LDB2: variants seen among roughly 807,000 people sequenced by gnomAD.
The protein encoded by LDB2 is LIM domain binding 2, also known as LIM domain-binding protein 2.
In LDB2, 12 loss-of-function variants were observed where a neutral mutation model predicts 44.3. That is an observed-to-expected ratio of 0.27 (90% CI 0.17 to 0.44). The LOEUF is 0.44. LDB2 is among the 20% of genes least tolerant of loss of function. The pLI is 1.00. For synonymous variants in LDB2, 164 were observed against 174.8 expected (o/e 0.94, Z 0.49); for missense variants, 344 against 473.5 (o/e 0.73, Z 2.54).
rs111399522 is a variant in LDB2, at chr4:16,882,572, A to G, written c.132+15782T>C. ...CTCCAGAGACCAGGTAATATTATAT[A>G]GGGTTAAGCTCCTTGGAAATACAAT... On this transcript the variant is annotated intron_variant, in intron 1 of 7. Coordinates refer to ENST00000304523, the MANE Select transcript of LDB2 (RefSeq NM_001290.5). 1.8e-4 allele frequency among the ~76,000 whole-genome samples: 28 copies of G among 152,292 alleles called. 3 individuals carry two copies. The highest frequency in any genetic ancestry group is 6.5e-4 in the African/African-American group (27 of 41,568).
intron 1 of LDB2, among the ~76,000 whole-genome samples, chr4:16,891,559 C>T (rs1310242832): frequency 6.6e-6 from 1 of 152,064 alleles, no homozygotes; most frequent in Non-Finnish European, 1.5e-5. Flanking sequence ...GATCTGCCCA[C>T]CCCAGCTTCC....
At chr4:16,665,107 A>G (rs991624684) in intron 2 of LDB2, among the ~76,000 whole-genome samples, 3 of 152,290 alleles carry the variant, frequency 2.0e-5, no homozygotes, top group Admixed American at 2.0e-4. Context: ...GAGAGGGGGA[A>G]AAGAAGGTGA....
At chr4:16,696,186 C>G (rs918559023) in intron 2 of LDB2, among the ~76,000 whole-genome samples, 3 of 152,094 alleles carry the variant, frequency 2.0e-5, no homozygotes, top group Non-Finnish European at 4.4e-5. Context: ...GAATGTAAAG[C>G]AATTTTCACA....
chr4:16,634,634 T>C (rs574993120), intron 2 of LDB2, among the ~76,000 whole-genome samples: 1 of 152,178 alleles, frequency 6.6e-6, no homozygotes, highest in African/African-American at 2.4e-5. Context: ...CATTAAAAAG[T>C]CAGGTAACAA....
chr4:16,843,663 C>G (rs1216574072), intron 1 of LDB2, among the ~76,000 whole-genome samples: 1 of 152,016 alleles, frequency 6.6e-6, no homozygotes, highest in Non-Finnish European at 1.5e-5. Context: ...GCTCTGTTCC[C>G]CAGGCTGGGG....
At position 16,880,466 on chromosome 4, in the gene LDB2, T is replaced by G. The variant is rs1378280041; in HGVS notation, c.132+17888A>C. On this transcript the variant is annotated intron_variant, in intron 1 of 7. Coordinates refer to ENST00000304523, the MANE Select transcript of LDB2 (RefSeq NM_001290.5). ...CTCAGAAGGAGCACGTTTTTCTAGTTTGCATAGACATGTCCCATAGCCTTC... is the reference window on the plus strand; with the variant it reads ...CTCAGAAGGAGCACGTTTTTCTAGTGTGCATAGACATGTCCCATAGCCTTC... Among the ~76,000 whole-genome samples the G allele has an allele frequency of 2.8e-4, 43 of 152,174 alleles. 2 individuals are homozygous for G. Among genetic ancestry groups the G allele is most frequent in the Non-Finnish European group, 2.9e-5 (2 of 68,042 alleles).
chr4:16,563,649 C>T (rs566883611), intron 5 of LDB2, among the ~76,000 whole-genome samples: 124 of 150,014 alleles, frequency 8.3e-4, no homozygotes, highest in African/African-American at 2.8e-3. Flanking sequence ...TAGTAGAGAC[C>T]GGGTTTCACC....
chr4:16,584,813 G>A (rs1716156548), intron 5 of LDB2, among the ~76,000 whole-genome samples: 1 of 152,210 alleles, frequency 6.6e-6, no homozygotes, highest in East Asian at 1.9e-4. Flanking sequence ...GAGGAGTGGG[G>A]AGAAGCAGGA....
intron 2 of LDB2, among the ~76,000 whole-genome samples, chr4:16,712,381 G>A (rs1024022958): frequency 2.0e-5 from 3 of 151,870 alleles, no homozygotes; most frequent in South Asian, 2.1e-4. Flanking sequence ...GTGAAACCCC[G>A]TCTCTACTAA....
At chr4:16,686,187 A>T (rs1456032445) in intron 2 of LDB2, among the ~76,000 whole-genome samples, 1 of 152,200 alleles carries the variant, frequency 6.6e-6, no homozygotes, top group African/African-American at 2.4e-5. Flanking sequence ...GACCCCCTTA[A>T]CTAGATCCTC....
chr4:16,635,814 C>T (rs982144771), intron 2 of LDB2, among the ~76,000 whole-genome samples: 1 of 152,148 alleles, frequency 6.6e-6, no homozygotes, highest in Non-Finnish European at 1.5e-5. Context: ...GTTAGCAAAC[C>T]ATGTAATCAA....
chr4:16,623,645 TG>T (rs1345076019), intron 2 of LDB2, among the ~76,000 whole-genome samples: 1 of 58,176 alleles, frequency 1.7e-5, no homozygotes, highest in Admixed American at 1.8e-4. Context: ...ACTATCAATG[TG>T]CTGTCAATTA....
chr4:16,604,848 A>G (rs1723503498), intron 2 of LDB2, among the ~76,000 whole-genome samples: 1 of 152,202 alleles, frequency 6.6e-6, no homozygotes, highest in African/African-American at 2.4e-5. Flanking sequence ...TTGCACTCCT[A>G]GTATAAACCT....
chr4:16,518,740 C>T (rs1001077617), intron 5 of LDB2, among the ~76,000 whole-genome samples: 4 of 152,164 alleles, frequency 2.6e-5, no homozygotes, highest in Non-Finnish European at 5.9e-5. Flanking sequence ...TGACTTGTTA[C>T]GTCTCCATAA....
At chr4:16,664,039 G>GGA (rs1553949696) in intron 2 of LDB2, among the ~76,000 whole-genome samples, 13 of 151,700 alleles carry the variant, frequency 8.6e-5, no homozygotes, top group African/African-American at 2.9e-4. Flanking sequence ...AAGAGAGAGA[G>GGA]AAAAAAAGGG....
At chr4:16,566,495 T>C (rs1276894547) in intron 5 of LDB2, among the ~76,000 whole-genome samples, 1 of 152,122 alleles carries the variant, frequency 6.6e-6, no homozygotes, top group Non-Finnish European at 1.5e-5. Context: ...CAGTTTCCTC[T>C]CATTTTGTAA....
chr4:16,544,752 T>C (rs563626547), intron 5 of LDB2, among the ~76,000 whole-genome samples: 3 of 152,252 alleles, frequency 2.0e-5, no homozygotes, highest in Non-Finnish European at 2.9e-5. Context: ...CTGACCAAGA[T>C]GAATTTGACA....
intron 2 of LDB2, among the ~76,000 whole-genome samples, chr4:16,755,654 T>C (rs1269059768): frequency 6.6e-6 from 1 of 152,118 alleles, no homozygotes; most frequent in Admixed American, 6.6e-5. Context: ...TTTCCATTTT[T>C]AGAAAGGACC....
chr4:16,890,184 A>G (rs775401137), intron 1 of LDB2, among the ~76,000 whole-genome samples: 3 of 152,246 alleles, frequency 2.0e-5, no homozygotes, highest in African/African-American at 4.8e-5. Context: ...TTGGTAGCAG[A>G]TAAGAATGGA....
Sources: allele counts gnomAD v4.1 joint callset (sites outside exome capture counted in the v4.1 genomes callset), GRCh38; gene constraint gnomAD v4.1.1; transcripts MANE v1.5; gene names NCBI Gene and HGNC (gene_info 2026-07-23, HGNC 2026-07-21).